IL1RAPL1: variants seen among roughly 807,000 people sequenced by gnomAD.
IL1RAPL1 encodes interleukin 1 receptor accessory protein like 1, also known as interleukin-1 receptor accessory protein-like 1.
In IL1RAPL1, 3 loss-of-function variants were observed where a neutral mutation model predicts 48.4. The observed-to-expected ratio is 0.06, with a 90% CI of 0.03 to 0.16. The LOEUF (loss-of-function observed/expected upper bound fraction) is 0.16. Among genes scored for constraint, IL1RAPL1 ranks in the 10% least tolerant of loss-of-function variants. The pLI, the probability that IL1RAPL1 is intolerant of heterozygous loss-of-function variation, is 1.00. For synonymous variants in IL1RAPL1, 185 were observed against 187.7 expected, an observed-to-expected ratio of 0.99 and a Z score of 0.12; for missense variants, 349 against 530.6, an observed-to-expected ratio of 0.66 and a Z score of 3.36.
rs1393877852 is a variant in IL1RAPL1 at position 28,940,753 on chromosome X, C to T, written c.82+151328C>T. 3.6e-5 allele frequency among the ~76,000 whole-genome samples: 4 copies of T among 110,383 alleles called. No homozygotes were observed. In the East Asian group the frequency reaches 1.1e-3, roughly 31 times the overall value. The stretch of plus-strand genomic sequence containing the variant: ...ATTATGTGGTGTGCTTGCCTTTGGC[C>T]CTCTCTCTACCCCTTGGAGGAACAG... On this transcript the variant is annotated intron_variant, in intron 2 of 10. Transcript: ENST00000378993.
At chrX:29,761,139 G>A (rs996915360) in intron 6 of IL1RAPL1, among the ~76,000 whole-genome samples, 1 of 111,806 alleles carries the variant, frequency 8.9e-6, no homozygotes, top group Non-Finnish European at 1.9e-5. Flanking sequence ...GATTTCGACT[G>A]TTTCTTTATG....
At chrX:28,876,642 A>G (rs1480652715) in intron 2 of IL1RAPL1, among the ~76,000 whole-genome samples, 1 of 111,337 alleles carries the variant, frequency 9.0e-6, no homozygotes, top group Non-Finnish European at 1.9e-5. Context: ...CTCTTGTTAG[A>G]ACTGAATTTA....
At chrX:28,747,533 C>T (rs891271511) in intron 1 of IL1RAPL1, among the ~76,000 whole-genome samples, 6 of 110,938 alleles carry the variant, frequency 5.4e-5, no homozygotes, top group Admixed American at 9.6e-5. Flanking sequence ...CCCAGCGACT[C>T]GGGAGGCTGA....
rs147194561 is a variant in IL1RAPL1, at chrX:29,585,798, T to C, written c.704-82632T>C. On this transcript the variant is annotated intron_variant, in intron 5 of 10. Coordinates refer to ENST00000378993, the MANE Select transcript of IL1RAPL1 (RefSeq NM_014271.4). ...TTGAACATTTTTCTCACATACCTGT[T>C]GGCCATTTGTATGTCTTCTTTAAAC... Among the ~76,000 whole-genome samples, 18 of 112,449 alleles carry C rather than the reference T, an allele frequency of 1.6e-4. 1 individual carries two copies. The highest frequency in any genetic ancestry group is 5.5e-4 in the African/African-American group (17 of 31,009).
At chrX:29,005,639 C>T (rs754646188) in intron 2 of IL1RAPL1, among the ~76,000 whole-genome samples, 15 of 111,440 alleles carry the variant, frequency 1.3e-4, no homozygotes, top group Middle Eastern at 4.6e-3. Context: ...CCCAATTTTT[C>T]CCCATTATGG....
intron 3 of IL1RAPL1, among the ~76,000 whole-genome samples, chrX:29,360,974 A>G (rs1335704537): frequency 8.9e-6 from 1 of 111,957 alleles, no homozygotes; most frequent in Non-Finnish European, 1.9e-5. Context: ...GTGCTATTAA[A>G]TATATGTAAA....
chrX:29,514,692 G>A (rs755103553), intron 5 of IL1RAPL1, among the ~76,000 whole-genome samples: 21 of 112,377 alleles, frequency 1.9e-4, no homozygotes, highest in Non-Finnish European at 2.8e-4. Context: ...TGAGTGATCC[G>A]CCTGCCTTGG....
chrX:28,804,333 A>G (rs1281987113), intron 2 of IL1RAPL1, among the ~76,000 whole-genome samples: 1 of 112,023 alleles, frequency 8.9e-6, no homozygotes, highest in African/African-American at 3.2e-5. Flanking sequence ...AAAATAAGTG[A>G]TATGAGATAT....
intron 3 of IL1RAPL1, among the ~76,000 whole-genome samples, chrX:29,297,215 C>A (rs147090613): frequency 3.1e-3 from 351 of 112,506 alleles, no homozygotes; most frequent in African/African-American, 0.011. Flanking sequence ...TTTCAAAGCA[C>A]TATCACACCA....
intron 2 of IL1RAPL1, among the ~76,000 whole-genome samples, chrX:29,233,389 G>A (rs1931235441): frequency 9.0e-6 from 1 of 111,610 alleles, no homozygotes; most frequent in Non-Finnish European, 1.9e-5. Context: ...TTTGTATTGT[G>A]TATTTCAGTT....
At chrX:28,965,385 C>T (rs1018247805) in intron 2 of IL1RAPL1, among the ~76,000 whole-genome samples, 2 of 111,203 alleles carry the variant, frequency 1.8e-5, no homozygotes, top group African/African-American at 6.5e-5. Flanking sequence ...CCTTTTTTCT[C>T]TCTCAGAAGA....
intron 5 of IL1RAPL1, among the ~76,000 whole-genome samples, chrX:29,573,655 A>G (rs1056046759): frequency 1.8e-5 from 2 of 112,279 alleles, no homozygotes; most frequent in Non-Finnish European, 3.8e-5. Context: ...CATCACTGGC[A>G]TATCTTGGTA....
chrX:29,159,655 G>A (rs1410439508), intron 2 of IL1RAPL1, among the ~76,000 whole-genome samples: 1 of 112,044 alleles, frequency 8.9e-6, no homozygotes, highest in Non-Finnish European at 1.9e-5. Flanking sequence ...AGATTTACAT[G>A]TCAAGTTCAT....
chrX:29,123,374 G>C (rs1032075561), intron 2 of IL1RAPL1, among the ~76,000 whole-genome samples: 2 of 111,844 alleles, frequency 1.8e-5, no homozygotes, highest in Non-Finnish European at 3.8e-5. Flanking sequence ...ATTTCTTGAA[G>C]TTTCAACCAG....
chrX:29,288,628 C>A (rs771719461), intron 3 of IL1RAPL1, among the ~76,000 whole-genome samples: 87 of 112,197 alleles, frequency 7.8e-4, no homozygotes, highest in African/African-American at 2.8e-3. Context: ...CATATTCATG[C>A]ATTTATCTTT....
At chrX:29,027,230 C>A (rs897377104) in intron 2 of IL1RAPL1, among the ~76,000 whole-genome samples, 2 of 112,226 alleles carry the variant, frequency 1.8e-5, no homozygotes, top group Non-Finnish European at 3.8e-5. Context: ...AACCACAAAC[C>A]TTTTTACTAT....
intron 2 of IL1RAPL1, among the ~76,000 whole-genome samples, chrX:29,111,955 C>A (rs113822340): frequency 0.24 from 18,921 of 77,726 alleles, 2,453 homozygotes; most frequent in African/African-American, 0.44. Context: ...TTTGAGACGG[C>A]GTCTCACTCT....
intron 2 of IL1RAPL1, among the ~76,000 whole-genome samples, chrX:28,929,079 T>C (rs1325333041): frequency 8.9e-6 from 1 of 111,943 alleles, no homozygotes; most frequent in Non-Finnish European, 1.9e-5. Context: ...AACAGGCATA[T>C]GTTCTAAATG....
chrX:29,936,922 T>C (rs986875402), intron 8 of IL1RAPL1, among the ~76,000 whole-genome samples: 1 of 112,093 alleles, frequency 8.9e-6, no homozygotes, highest in African/African-American at 3.2e-5. Flanking sequence ...TAGTTTTAAA[T>C]TGAAACAATT....
Sources: allele counts gnomAD v4.1 joint callset (sites outside exome capture counted in the v4.1 genomes callset), GRCh38; gene constraint gnomAD v4.1.1; transcripts MANE v1.5; gene names NCBI Gene and HGNC (gene_info 2026-07-23, HGNC 2026-07-21).